MACROD2: variants seen among roughly 807,000 people sequenced by gnomAD.
MACROD2 encodes the protein mono-ADP ribosylhydrolase 2.
In MACROD2, 36 loss-of-function variants were observed where a neutral mutation model predicts 70.4. The ratio of observed to expected loss-of-function variants is 0.51; its 90% CI spans 0.39 to 0.68. The LOEUF is 0.68. Ranked by LOEUF, MACROD2 falls within the 30% of genes least tolerant of loss-of-function variation. The probability of loss-of-function intolerance (pLI) is 0.00; values close to 1 mark genes in which losing one functional copy is unlikely to be tolerated. For missense variants in MACROD2, 496 were observed against 538.4 expected, an observed-to-expected ratio of 0.92 and a Z score of 0.78; for synonymous variants, 172 against 178.8, an observed-to-expected ratio of 0.96 and a Z score of 0.30.
intron 3 of MACROD2, among the ~76,000 whole-genome samples, chr20:14,130,451 G>A (rs947633962): frequency 6.6e-6 from 1 of 152,048 alleles, no homozygotes; most frequent in Non-Finnish European, 1.5e-5. Context: ...GGGAGGCTGA[G>A]GCAGAGAATT....
At chr20:15,983,730 A>G (rs181465081) in intron 13 of MACROD2, among the ~76,000 whole-genome samples, 496 of 152,332 alleles carry the variant, frequency 3.3e-3, no homozygotes, top group African/African-American at 0.011. Flanking sequence ...AAGGGGGACA[A>G]TTAGGGCCTC....
chr20:15,090,760 G>A (rs1227141790), intron 5 of MACROD2, among the ~76,000 whole-genome samples: 1 of 152,022 alleles, frequency 6.6e-6, no homozygotes, highest in Non-Finnish European at 1.5e-5. Flanking sequence ...TAAGCAGTGA[G>A]ATAAACTGAG....
At chr20:14,809,811 T>G (rs973438217) in intron 5 of MACROD2, among the ~76,000 whole-genome samples, 17 of 152,020 alleles carry the variant, frequency 1.1e-4, no homozygotes, top group African/African-American at 4.1e-4. Flanking sequence ...AACACCTCTA[T>G]GCAAATAAAC....
chr20:15,448,393 C>A (rs2046597843), intron 7 of MACROD2, among the ~76,000 whole-genome samples: 1 of 152,134 alleles, frequency 6.6e-6, no homozygotes, highest in South Asian at 2.1e-4. Context: ...CTGAGCAGAT[C>A]AAACCTCCTT....
chr20:15,734,650 A>G (rs2050994259), intron 8 of MACROD2, among the ~76,000 whole-genome samples: 1 of 152,186 alleles, frequency 6.6e-6, no homozygotes, highest in Non-Finnish European at 1.5e-5. Flanking sequence ...GAAAACAAAA[A>G]TCATCTTCAA....
At chr20:15,233,117 C>T (rs1029241195) in intron 6 of MACROD2, among the ~76,000 whole-genome samples, 2 of 151,848 alleles carry the variant, frequency 1.3e-5, no homozygotes, top group African/African-American at 4.8e-5. Context: ...GTTCTCTTAT[C>T]ACTTTTAAAT....
intron 8 of MACROD2, among the ~76,000 whole-genome samples, chr20:15,809,344 T>C (rs999513806): frequency 2.6e-5 from 4 of 152,176 alleles, no homozygotes; most frequent in African/African-American, 9.7e-5. Flanking sequence ...CTTAGTCTAT[T>C]TGTGTTGCTA....
At chr20:16,023,580 G>A (rs1395973756) in intron 15 of MACROD2, among the ~76,000 whole-genome samples, 2 of 151,644 alleles carry the variant, frequency 1.3e-5, no homozygotes, top group Admixed American at 6.6e-5. Flanking sequence ...GAGGCAATCC[G>A]AGGAAGCACA....
intron 8 of MACROD2, among the ~76,000 whole-genome samples, chr20:15,738,747 A>G (rs2051061815): frequency 6.6e-6 from 1 of 152,120 alleles, no homozygotes; most frequent in Admixed American, 6.5e-5. Context: ...CATCCAGCAG[A>G]ACCACCTCAT....
rs1330936479 is a variant in MACROD2, at chr20:15,117,514, G to A, written c.419-112426G>A. Among the ~76,000 whole-genome samples, 6 of 138,344 alleles carry A rather than the reference G, an allele frequency of 4.3e-5. No homozygotes were observed. In the East Asian group the frequency reaches 8.9e-4, roughly 21 times the overall value. The allele number at this position is 138,344 out of a possible 152,430, so 90.8% of individuals were successfully genotyped here. On this transcript the variant is annotated intron_variant, in intron 5 of 17. Coordinates refer to ENST00000684519, the MANE Select transcript of MACROD2 (RefSeq NM_001351661.2). ...AATCTTAGAGCTCAGGAAATATCGCGATTTCAAATGGACAATCCTTGACTT... is the reference window on the plus strand; with the variant it reads ...AATCTTAGAGCTCAGGAAATATCGCAATTTCAAATGGACAATCCTTGACTT...
chr20:14,041,749 A>G (rs1455089755), intron 2 of MACROD2, among the ~76,000 whole-genome samples: 4 of 152,206 alleles, frequency 2.6e-5, no homozygotes, highest in Non-Finnish European at 4.4e-5. Flanking sequence ...GGGCAGAGAA[A>G]TGGCTCTGTG....
At chr20:14,768,080 A>G (rs551746122) in intron 5 of MACROD2, among the ~76,000 whole-genome samples, 1 of 152,170 alleles carries the variant, frequency 6.6e-6, no homozygotes, top group Non-Finnish European at 1.5e-5. Flanking sequence ...GCTATTGTGA[A>G]TACTGCCGCA....
chr20:14,211,884 C>G (rs1353636537), intron 3 of MACROD2, among the ~76,000 whole-genome samples: 3 of 152,158 alleles, frequency 2.0e-5, no homozygotes, highest in Admixed American at 2.0e-4. Context: ...TTCAGGTTAT[C>G]AAGCTATCCT....
At chr20:14,924,388 G>A (rs1234798101) in intron 5 of MACROD2, among the ~76,000 whole-genome samples, 8 of 151,652 alleles carry the variant, frequency 5.3e-5, no homozygotes, top group South Asian at 2.1e-4. Flanking sequence ...GCTGTGAGCC[G>A]AAATCATGCC....
intron 12 of MACROD2, among the ~76,000 whole-genome samples, chr20:15,941,530 G>A (rs1181478650): frequency 6.6e-6 from 1 of 152,124 alleles, no homozygotes; most frequent in Non-Finnish European, 1.5e-5. Context: ...CAAGATTGAG[G>A]TCAAGATAAG....
intron 7 of MACROD2, among the ~76,000 whole-genome samples, chr20:15,433,848 A>G (rs1243007144): frequency 6.6e-6 from 1 of 152,134 alleles, no homozygotes; most frequent in Non-Finnish European, 1.5e-5. Flanking sequence ...TAAAGCAGGC[A>G]CATAGACCAA....
chr20:14,818,653 G>A (rs1445730352), intron 5 of MACROD2, among the ~76,000 whole-genome samples: 3 of 151,826 alleles, frequency 2.0e-5, no homozygotes, highest in Non-Finnish European at 4.4e-5. Context: ...GCATGCAGAA[G>A]ATGGCCAGTA....
rs552790148 is a variant in MACROD2 at position 15,765,276 on chromosome 20, T to G, written c.646-97469T>G. ...TATTTTTAATGCAAACAAAACGGCC[T>G]CTGCTGCCAGTTCAAATACTGAGCT... On this transcript the variant is annotated intron_variant, in intron 8 of 17. Transcript: ENST00000684519. Among the ~76,000 whole-genome samples the G allele has an allele frequency of 2.4e-3, 361 of 152,322 alleles. 2 individuals carry two copies. The highest frequency in any genetic ancestry group is 8.3e-3 in the African/African-American group (345 of 41,568).
intron 6 of MACROD2, among the ~76,000 whole-genome samples, chr20:15,240,597 G>T (rs867207069): frequency 6.6e-6 from 1 of 152,146 alleles, no homozygotes. Flanking sequence ...AGGAAAATGG[G>T]ATAACATATA....
Sources: gnomAD v4.1 joint callset for allele counts (sites outside exome capture counted in the v4.1 genomes callset) on GRCh38, gnomAD v4.1.1 for gene constraint, MANE v1.5 for transcripts, NCBI Gene and HGNC (gene_info 2026-07-23, HGNC 2026-07-21) for gene names.